SERPINB1: variants seen among roughly 807,000 people sequenced by gnomAD.
The protein encoded by SERPINB1 is leukocyte elastase inhibitor.
A neutral mutation model predicts 25.9 loss-of-function variants in SERPINB1; 23 were observed. The ratio of observed to expected loss-of-function variants is 0.89; its 90% confidence interval spans 0.64 to 1.26. The LOEUF (loss-of-function observed/expected upper bound fraction) is 1.26, where lower values mean the gene tolerates loss of function less well. Ranked by LOEUF, SERPINB1 falls within the 50% of genes most tolerant of loss-of-function variation. The pLI, the probability that SERPINB1 is intolerant of heterozygous loss-of-function variation, is 0.00. For missense variants in SERPINB1, 399 were observed against 463.6 expected, an observed-to-expected ratio of 0.86 and a Z score of 1.28; for synonymous variants, 178 against 178.7, an observed-to-expected ratio of 1.00 and a Z score of 0.03.
intron 1 of SERPINB1, 95 bp from the exon 2 acceptor site, chr6:2,840,689 C>T: frequency 1.6e-6 from 2 of 1,222,276 alleles, no homozygotes; most frequent in Non-Finnish European, 1.1e-6. Flanking sequence ...TTTCTGCCAA[C>T]CGCCCTGAGG....
In SERPINB1 at chr6:2,837,735, C is replaced by T. The variant is rs541743761; in HGVS notation, c.424+147G>A. On this transcript the variant is annotated intron_variant, in intron 4 of 6. Coordinates refer to ENST00000380739, the MANE Select transcript of SERPINB1 (RefSeq NM_030666.4). This position sits in a 1 kb window ranked among gnomAD's most constrained non-coding sequence, Gnocchi z 4.3. ...CCAGCAACGTGCAGTGCAGACTTCA[C>T]GCACCGGCAGCGTCCTCTGACTGTA... 57 of 684,018 alleles carry T rather than the reference C, an allele frequency of 8.3e-5. No individual in the cohort carries two copies. The highest frequency in any genetic ancestry group is 3.7e-4 in the African/African-American group (21 of 56,146). 42.4% of individuals were successfully genotyped at this position (684,018 alleles called of 1,614,324 possible).
At chr6:2,835,301 G>A (rs1766452902) in intron 6 of SERPINB1, among the ~76,000 whole-genome samples, 1 of 152,184 alleles carries the variant, frequency 6.6e-6, no homozygotes, top group Non-Finnish European at 1.5e-5. Flanking sequence ...TATATGAATT[G>A]TGATGAGAAC....
chr6:2,839,537 A>T (rs1223614370), intron 2 of SERPINB1: 1 of 946,056 alleles, frequency 1.1e-6, no homozygotes, highest in African/African-American at 1.8e-5. Flanking sequence ...AACATTTAAA[A>T]TGCTTTCATA....
rs1766544537 is a variant in SERPINB1, at chr6:2,838,003, T to C, written c.307-4A>G. On this transcript the variant is annotated splice_region_variant and splice_polypyrimidine_tract_variant and intron_variant, in intron 3 of 6. Transcript: ENST00000380739. ...TCTGAGTCGAAACCAAGAACTCCTA[T>C]TAAAAAAAAGGAAAAGGAAATATAT... 6.3e-7 allele frequency: 1 copy of C among 1,599,070 alleles called. No individual in the cohort carries two copies.
rs1766397169 is a variant in SERPINB1 at position 2,833,447 on chromosome 6, A to G, written c.*161T>C. On this transcript the variant is annotated 3_prime_UTR_variant, in exon 7 of 7. Coordinates refer to ENST00000380739, the MANE Select transcript of SERPINB1 (RefSeq NM_030666.4). ...AAAATAGATACCCATGCCAAAATTCATGGGTGTAAACAGCCAACAGAGCCA... is the reference window on the plus strand; with the variant it reads ...AAAATAGATACCCATGCCAAAATTCGTGGGTGTAAACAGCCAACAGAGCCA... The G allele has an allele frequency of 1.6e-6, 1 of 622,980 alleles. No individual in the cohort carries two copies. The highest frequency in any genetic ancestry group is 2.5e-6 in the Non-Finnish European group (1 of 395,960). 38.6% of individuals were successfully genotyped at this position (622,980 alleles called of 1,614,324 possible).
chr6:2,839,510 T>A, intron 2 of SERPINB1: 1 of 976,060 alleles, frequency 1.0e-6, no homozygotes, highest in Non-Finnish European at 1.2e-6. Context: ...TTTTTTTTTT[T>A]TAATGGATTT....
Position 2,833,098 on chromosome 6 carries a change from G to C in SERPINB1, c.*510C>G, listed in dbSNP as rs1398146996. ...TCTGTAACAGAATACTAATCCTGCA[G>C]AACAAGGGACAGAAAAGTCAGGCGA... On this transcript the variant is annotated 3_prime_UTR_variant, in exon 7 of 7. Coordinates refer to ENST00000380739, the MANE Select transcript of SERPINB1 (RefSeq NM_030666.4). The C allele has an allele frequency of 6.5e-6, 1 of 152,802 alleles. No homozygotes were observed. Among genetic ancestry groups the C allele is most frequent in the Non-Finnish European group, 1.5e-5 (1 of 68,538 alleles). The allele number at this position is 152,802 out of a possible 1,614,324, so 9.5% of individuals were successfully genotyped here. A position where few individuals can be genotyped will look rare whatever the true frequency, so the allele number is the denominator to read the frequency against.
intron 2 of SERPINB1, chr6:2,839,517 A>G (rs1301595250): frequency 3.1e-6 from 3 of 970,760 alleles, no homozygotes; most frequent in South Asian, 4.8e-5. Context: ...TTTTTAATGG[A>G]TTTAAAAAAA....
chr6:2,832,676 G>A lies in SERPINB1; in HGVS notation c.*932C>T. On this transcript the variant is annotated 3_prime_UTR_variant, in exon 7 of 7. Coordinates refer to ENST00000380739, the MANE Select transcript of SERPINB1 (RefSeq NM_030666.4). Reference sequence around the variant, plus strand: ...ACAAAAATTAGCCAGGCCTAGTGGTGCATGCCTATAATCCCAGCTACTCAG... The same window carrying A: ...ACAAAAATTAGCCAGGCCTAGTGGTACATGCCTATAATCCCAGCTACTCAG... 1 of 152,346 alleles carries A rather than the reference G, an allele frequency of 6.6e-6. No homozygotes were observed. Among genetic ancestry groups the A allele is most frequent in the Non-Finnish European group, 1.5e-5 (1 of 68,194 alleles). 9.4% of individuals were successfully genotyped at this position (152,346 alleles called of 1,614,324 possible). A position where few individuals can be genotyped will look rare whatever the true frequency, so the allele number is the denominator to read the frequency against.
chr6:2,837,302 G>A lies in SERPINB1; in HGVS notation c.424+580C>T, dbSNP rs750455926. Reference sequence around the variant, plus strand: ...TTATTTTTATTATTTTTTTTACGACGGAGTCTCGCTCTGTTGCCTAGGCTG... The same window carrying A: ...TTATTTTTATTATTTTTTTTACGACAGAGTCTCGCTCTGTTGCCTAGGCTG... On this transcript the variant is annotated intron_variant, in intron 4 of 6. Transcript: ENST00000380739. The surrounding 1 kb of genome is among the most constrained non-coding windows in gnomAD (Gnocchi z 4.3). 6.6e-6 allele frequency among the ~76,000 whole-genome samples: 1 copy of A among 151,280 alleles called. No individual in the cohort carries two copies. Among genetic ancestry groups the A allele is most frequent in the East Asian group, 1.9e-4 (1 of 5,178 alleles).
At chr6:2,840,806 T>C (rs316345) in intron 1 of SERPINB1, among the ~76,000 whole-genome samples, 111,351 of 152,058 alleles carry the variant, frequency 0.73, 40,895 homozygotes, top group Middle Eastern at 0.84. Context: ...TCAGCAGTTA[T>C]AGGGGATTTT....
At position 2,833,311 on chromosome 6, in the gene SERPINB1, T is replaced by C; in HGVS notation, c.*297A>G. 3.8e-6 allele frequency: 1 copy of C among 262,618 alleles called. No individual in the cohort carries two copies. Among genetic ancestry groups the C allele is most frequent in the South Asian group, 1.4e-4 (1 of 7,044 alleles). 16.3% of individuals were successfully genotyped at this position (262,618 alleles called of 1,614,324 possible). ...CATGGCTATCAGGAGGATATAGCAA[T>C]TTTATAGATTACTACATGGTCAAGA... On this transcript the variant is annotated 3_prime_UTR_variant, in exon 7 of 7. Transcript: ENST00000380739.
At position 2,833,157 on chromosome 6, in the gene SERPINB1, T is replaced by C. The variant is rs1216188350; in HGVS notation, c.*451A>G. The C allele has an allele frequency of 6.5e-6, 1 of 153,358 alleles. No individual in the cohort carries two copies. The highest frequency in any genetic ancestry group is 1.9e-4 in the East Asian group (1 of 5,210). 9.5% of individuals were successfully genotyped at this position (153,358 alleles called of 1,614,324 possible). A position where few individuals can be genotyped will look rare whatever the true frequency, so the allele number is the denominator to read the frequency against. ...TGTCTTCGTAACCTGGGCTCTCAATTGGGGTGCTCTCTTACATTTCAATTG... is the reference window on the plus strand; with the variant it reads ...TGTCTTCGTAACCTGGGCTCTCAATCGGGGTGCTCTCTTACATTTCAATTG... On this transcript the variant is annotated 3_prime_UTR_variant, in exon 7 of 7. Coordinates refer to ENST00000380739, the MANE Select transcript of SERPINB1 (RefSeq NM_030666.4).
In SERPINB1 at chr6:2,840,437, C is replaced by T. The variant is rs745719147; in HGVS notation, c.150G>A (p.Thr50=). The change falls in exon 2 of 7, where the codon ACG becomes ACA. Residue 50 remains threonine, a synonymous_variant. Transcript: ENST00000380739. Reference sequence around the variant, plus strand: ...TGCTGACCTTGGACAGCTGTGCTGCCGTGTTACCTCTGGTCCCCAGAAAAA... The same window carrying T: ...TGCTGACCTTGGACAGCTGTGCTGCTGTGTTACCTCTGGTCCCCAGAAAAA... The part of the protein sequence containing the change: ...AMVFLGTRGN[T]AAQLSKTFHF... 1.2e-6 allele frequency: 2 copies of T among 1,614,058 alleles called. No homozygotes were observed. The highest frequency in any genetic ancestry group is 1.7e-5 in the Admixed American group (1 of 59,998).
rs1435379141 is a variant in SERPINB1, at chr6:2,832,946, C to A, written c.*662G>T. 6.6e-6 allele frequency: 1 copy of A among 152,152 alleles called. No homozygotes were observed. The highest frequency in any genetic ancestry group is 2.4e-5 in the African/African-American group (1 of 41,428). The allele number at this position is 152,152 out of a possible 1,614,324, so 9.4% of individuals were successfully genotyped here. On this transcript the variant is annotated 3_prime_UTR_variant, in exon 7 of 7. Coordinates refer to ENST00000380739, the MANE Select transcript of SERPINB1 (RefSeq NM_030666.4). ...TTGTAGACTCTTGGTATCTTTTATC[C>A]TAAGACACCCACTTCTTGATTTCAT...
intron 1 of SERPINB1, 140 bp from the exon 2 acceptor site, chr6:2,840,734 A>G: frequency 1.3e-6 from 1 of 765,298 alleles, no homozygotes; most frequent in Non-Finnish European, 2.0e-6. Flanking sequence ...CCGCTTTTTT[A>G]TTCCAGCAGG....
At chr6:2,838,717 C>G (rs1339612729) in intron 2 of SERPINB1, 31 bp from the exon 3 acceptor site, 1 of 1,494,912 alleles carries the variant, frequency 6.7e-7, no homozygotes, top group Admixed American at 2.3e-5. Flanking sequence ...TTTCTACAAC[C>G]ATTTATTTTG....
chr6:2,833,378 T>C lies in SERPINB1; in HGVS notation c.*230A>G. 2.2e-6 allele frequency: 1 copy of C among 446,452 alleles called. No individual in the cohort carries two copies. The highest frequency in any genetic ancestry group is 3.9e-6 in the Non-Finnish European group (1 of 253,348). The allele number at this position is 446,452 out of a possible 1,614,324, so 27.7% of individuals were successfully genotyped here. A position where few individuals can be genotyped will look rare whatever the true frequency, so the allele number is the denominator to read the frequency against. The stretch of plus-strand genomic sequence containing the variant: ...TATTCTTTTCTTCTTCTTTACTTGA[T>C]GCATTCAAAAGCAACCACTGGATTT... On this transcript the variant is annotated 3_prime_UTR_variant, in exon 7 of 7. Coordinates refer to ENST00000380739, the MANE Select transcript of SERPINB1 (RefSeq NM_030666.4).
rs13195203 is a variant in SERPINB1 at position 2,836,036 on chromosome 6, A to T, written c.568-13T>A. Reference sequence around the variant, plus strand: ...TTTTTCTGTCTTTCTGAACAGTTTTAAAAAATCACTGAAATTATTCTCTGC... The same window carrying T: ...TTTTTCTGTCTTTCTGAACAGTTTTTAAAAATCACTGAAATTATTCTCTGC... On this transcript the variant is annotated splice_polypyrimidine_tract_variant and intron_variant, in intron 5 of 6. Coordinates refer to ENST00000380739, the MANE Select transcript of SERPINB1 (RefSeq NM_030666.4). 0.018 allele frequency: 29,199 copies of T among 1,613,864 alleles called. 545 individuals carry two copies. Among genetic ancestry groups the T allele is most frequent in the African/African-American group, 0.093 (6,935 of 74,952 alleles).
Sources: allele counts gnomAD v4.1 joint callset (sites outside exome capture counted in the v4.1 genomes callset), GRCh38; gene constraint gnomAD v4.1.1; non-coding constraint Gnocchi (gnomAD v3.1); transcripts MANE v1.5; gene names NCBI Gene and HGNC (gene_info 2026-07-23, HGNC 2026-07-21).